Variants in CACNB4 observed in about 807,000 individuals in gnomAD.
CACNB4 encodes the protein calcium voltage-gated channel auxiliary subunit beta 4.
CACNB4 carries 32 observed loss-of-function variants against 71.2 expected under a neutral mutation model. The ratio of observed to expected loss-of-function variants is 0.45; its 90% confidence interval spans 0.34 to 0.60. The LOEUF is 0.60. Ranked by LOEUF, CACNB4 falls within the 20% of genes least tolerant of loss-of-function variation. CACNB4 has a pLI of 0.01. For missense variants in CACNB4, 464 were observed against 647.9 expected, an observed-to-expected ratio of 0.72 and a Z score of 3.08; for synonymous variants, 231 against 236.9, an observed-to-expected ratio of 0.97 and a Z score of 0.23.
At chr2:152,039,443 C>A (rs1343797647) in intron 2 of CACNB4, among the ~76,000 whole-genome samples, 2 of 151,450 alleles carry the variant, frequency 1.3e-5, no homozygotes, top group African/African-American at 4.9e-5. Flanking sequence ...TCTTACTATT[C>A]CCTCAATGCT....
intron 2 of CACNB4, among the ~76,000 whole-genome samples, chr2:151,943,264 G>C (rs747216517): frequency 6.6e-6 from 1 of 152,180 alleles, no homozygotes; most frequent in Non-Finnish European, 1.5e-5. Context: ...AAGAACCTAC[G>C]TTGAAATATT....
chr2:151,975,392 AC>A (rs1447239880), intron 2 of CACNB4, among the ~76,000 whole-genome samples: 6 of 152,360 alleles, frequency 3.9e-5, no homozygotes, highest in African/African-American at 1.4e-4. Flanking sequence ...TCACAGTCGC[AC>A]ATCTTGGGAG....
rs143676197 is a variant in CACNB4, at chr2:152,024,512, T to G, written c.147+73818A>C. On this transcript the variant is annotated intron_variant, in intron 2 of 13. Transcript: ENST00000539935. The stretch of plus-strand genomic sequence containing the variant: ...CTTTGCATAGACAACAATGTAATTT[T>G]CTTATTGGATAGCCCTAAAAAATGG... 1.8e-3 allele frequency among the ~76,000 whole-genome samples: 267 copies of G among 152,384 alleles called. 1 individual carries two copies. The highest frequency in any genetic ancestry group is 6.2e-3 in the African/African-American group (257 of 41,590).
intron 2 of CACNB4, chr2:151,970,247 A>C (rs945963675): frequency 6.6e-6 from 1 of 152,214 alleles, no homozygotes; most frequent in Non-Finnish European, 1.5e-5. Context: ...TTGACAGAAT[A>C]GGGTGCAACA....
At chr2:151,940,301 A>C (rs2151629266) in intron 2 of CACNB4, among the ~76,000 whole-genome samples, 1 of 152,294 alleles carries the variant, frequency 6.6e-6, no homozygotes, top group East Asian at 1.9e-4. Context: ...AATTTCTAGA[A>C]TCTCCCCCAA....
intron 2 of CACNB4, among the ~76,000 whole-genome samples, chr2:151,957,779 C>A (rs901114403): frequency 2.6e-5 from 4 of 152,204 alleles, no homozygotes; most frequent in African/African-American, 9.6e-5. Flanking sequence ...TAACTTCACT[C>A]TGTCCCACAA....
intron 2 of CACNB4, among the ~76,000 whole-genome samples, chr2:152,071,466 G>C (rs180995301): frequency 0.013 from 1,990 of 152,186 alleles, 154 homozygotes; most frequent in Admixed American, 0.12. Flanking sequence ...TTCTTATTAA[G>C]GGGAAGCTTT....
chr2:151,849,973 G>A (rs1341080582), intron 12 of CACNB4, among the ~76,000 whole-genome samples: 3 of 152,048 alleles, frequency 2.0e-5, no homozygotes, highest in South Asian at 2.1e-4. Flanking sequence ...TTTCCTGCTC[G>A]AGAGCAGAGA....
intron 2 of CACNB4, among the ~76,000 whole-genome samples, chr2:152,013,514 T>C (rs1025253747): frequency 1.3e-5 from 2 of 152,056 alleles, no homozygotes; most frequent in Non-Finnish European, 1.5e-5. Context: ...CTGGAGCCCA[T>C]TAGCCTGTGT....
intron 2 of CACNB4, among the ~76,000 whole-genome samples, chr2:152,078,500 C>T (rs1436426462): frequency 2.0e-5 from 3 of 152,226 alleles, no homozygotes; most frequent in Non-Finnish European, 2.9e-5. Flanking sequence ...AGAGCTGTCC[C>T]AATTTTTAGC....
rs12992003 is a variant in CACNB4 at position 151,901,761 on chromosome 2, G to A, written c.148-18391C>T. ...CAATGCCTCCCTGGGTAGAGGTTGA[G>A]GCTTATATTGAGAATGAGAATTTGA... is the stretch of plus-strand genomic sequence containing the variant. On this transcript the variant is annotated intron_variant, in intron 2 of 13. Transcript: ENST00000539935. Among the ~76,000 whole-genome samples the A allele has an allele frequency of 3.1e-3, 472 of 152,238 alleles. 2 individuals carry two copies. Among genetic ancestry groups the A allele is most frequent in the Non-Finnish European group, 4.8e-3 (329 of 68,028 alleles).
intron 2 of CACNB4, among the ~76,000 whole-genome samples, chr2:151,986,352 T>C (rs1289074358): frequency 6.6e-6 from 1 of 152,226 alleles, no homozygotes; most frequent in African/African-American, 2.4e-5. Context: ...ATTTCCAAAA[T>C]GGCTCCTTCC....
chr2:151,948,862 C>G (rs1330541002), intron 2 of CACNB4, among the ~76,000 whole-genome samples: 3 of 152,106 alleles, frequency 2.0e-5, no homozygotes, highest in Non-Finnish European at 4.4e-5. Flanking sequence ...CTCTCCTCCA[C>G]CCTTCTACTC....
chr2:151,932,283 C>A (rs1394936031), intron 2 of CACNB4, among the ~76,000 whole-genome samples: 2 of 151,778 alleles, frequency 1.3e-5, no homozygotes, highest in African/African-American at 4.8e-5. Context: ...GAGAAAGTAA[C>A]ACATCTTGGA....
rs188760043 is a variant in CACNB4 at position 152,001,216 on chromosome 2, T to C, written c.147+97114A>G. Among the ~76,000 whole-genome samples the C allele has an allele frequency of 5.1e-4, 77 of 152,110 alleles. No homozygotes were observed. The East Asian group carries it at 0.015, about 29-fold the overall frequency. ...TAACCACAGCCTCCTGCCTCTTGCC[T>C]CTCAACAAACTGGGCCTGGCCAAAG... On this transcript the variant is annotated intron_variant, in intron 2 of 13. Transcript: ENST00000539935.
At chr2:151,986,243 T>C (rs981731179) in intron 2 of CACNB4, among the ~76,000 whole-genome samples, 1 of 152,144 alleles carries the variant, frequency 6.6e-6, no homozygotes, top group Non-Finnish European at 1.5e-5. Context: ...TTGTTTCATA[T>C]GAAAAAAAAG....
chr2:152,029,368 C>T (rs1684140748), intron 2 of CACNB4, among the ~76,000 whole-genome samples: 1 of 151,778 alleles, frequency 6.6e-6, no homozygotes, highest in Non-Finnish European at 1.5e-5. Flanking sequence ...GTGTTGTGCA[C>T]CTGTAATCCC....
chr2:151,945,951 C>T (rs1381677091), intron 2 of CACNB4, among the ~76,000 whole-genome samples: 1 of 151,426 alleles, frequency 6.6e-6, no homozygotes, highest in Non-Finnish European at 1.5e-5. Context: ...ACAGCACTGG[C>T]ACAAAGCACT....
At chr2:151,988,122 G>A (rs989234506) in intron 2 of CACNB4, among the ~76,000 whole-genome samples, 2 of 152,106 alleles carry the variant, frequency 1.3e-5, no homozygotes, top group African/African-American at 4.8e-5. Context: ...AAATTCTAAT[G>A]GGAAGTTGTT....
Sources: gnomAD v4.1 joint callset for allele counts (sites outside exome capture counted in the v4.1 genomes callset) on GRCh38, gnomAD v4.1.1 for gene constraint, MANE v1.5 for transcripts, NCBI Gene and HGNC (gene_info 2026-07-23, HGNC 2026-07-21) for gene names.